SLIT1: variants seen among roughly 807,000 people sequenced by gnomAD.
SLIT1 encodes slit homolog 1 protein.
Under a neutral mutation model 186.1 loss-of-function variants are expected in SLIT1, and 66 were observed. The ratio of observed to expected loss-of-function variants is 0.35; its 90% confidence interval spans 0.29 to 0.44. The LOEUF (loss-of-function observed/expected upper bound fraction) is 0.44. Ranked by LOEUF, SLIT1 falls within the 20% of genes least tolerant of loss-of-function variation. The pLI is 1.00. For synonymous variants in SLIT1, 761 were observed against 833.8 expected (o/e 0.91, Z 1.50); for missense variants, 1,638 against 2,037.4 (o/e 0.80, Z 3.77).
chr10:97,094,733 G>C (rs113931451), intron 4 of SLIT1, among the ~76,000 whole-genome samples: 5 of 152,108 alleles, frequency 3.3e-5, no homozygotes, highest in Non-Finnish European at 7.3e-5. Flanking sequence ...GTAAGAAGTC[G>C]GGGAATGCAT....
chr10:97,012,116 ACACACACACACACG>A (rs1564653155), intron 30 of SLIT1, among the ~76,000 whole-genome samples: 1 of 150,206 alleles, frequency 6.7e-6, no homozygotes, highest in East Asian at 2.0e-4. Flanking sequence ...ACACACACAC[ACACACACACACACG>A]CACACATTCG....
chr10:97,040,627 A>G (rs1848682560), intron 20 of SLIT1, among the ~76,000 whole-genome samples: 1 of 152,200 alleles, frequency 6.6e-6, no homozygotes, highest in African/African-American at 2.4e-5. Context: ...TGAATGAACA[A>G]GTGGATGAAT....
At chr10:97,143,032 G>A (rs138967867) in intron 4 of SLIT1, among the ~76,000 whole-genome samples, 3 of 152,326 alleles carry the variant, frequency 2.0e-5, no homozygotes, top group Admixed American at 6.5e-5. Flanking sequence ...CACTGATGGT[G>A]GGAATGTGAA....
At position 97,004,853 on chromosome 10, in the gene SLIT1, C is replaced by T. The variant is rs765661010; in HGVS notation, c.3580-30G>A. 5 of 1,613,772 alleles carry T rather than the reference C, an allele frequency of 3.1e-6. No homozygotes were observed. The highest frequency in any genetic ancestry group is 2.2e-5 in the South Asian group (2 of 91,038). On this transcript the variant is annotated intron_variant, in intron 32 of 36. Transcript: ENST00000266058. This position sits in a 1 kb window ranked among gnomAD's most constrained non-coding sequence, Gnocchi z 5.1. ...TGGGCAGTGGCACTTTCTCTCCCACCCCACCCCATGCAGCAGCGGCACAGG... is the reference window on the plus strand; with the variant it reads ...TGGGCAGTGGCACTTTCTCTCCCACTCCACCCCATGCAGCAGCGGCACAGG...
At chr10:97,063,430 G>A (rs928576899) in intron 8 of SLIT1, 25 bp downstream of exon 8, 4 of 1,611,236 alleles carry the variant, frequency 2.5e-6, no homozygotes, top group Non-Finnish European at 3.4e-6. Flanking sequence ...GGACAGTTGA[G>A]AGCCCGGCAG....
chr10:97,155,945 C>G (rs1219215084), intron 4 of SLIT1, among the ~76,000 whole-genome samples: 2 of 152,210 alleles, frequency 1.3e-5, no homozygotes, highest in Non-Finnish European at 2.9e-5. Flanking sequence ...ATGTGGCCAG[C>G]AACAGCATGG....
chr10:97,160,983 C>A (rs1168107605), intron 3 of SLIT1, among the ~76,000 whole-genome samples: 1 of 152,074 alleles, frequency 6.6e-6, no homozygotes, highest in Admixed American at 6.5e-5. Flanking sequence ...ACCTGGCCTC[C>A]CAAAGTGCTG....
chr10:97,178,530 T>C, intron 1 of SLIT1, among the ~76,000 whole-genome samples: 1 of 152,212 alleles, frequency 6.6e-6, no homozygotes, highest in Non-Finnish European at 1.5e-5. Context: ...TGTGCGATCC[T>C]GGCAGGATTG....
At chr10:97,030,878 G>T in intron 24 of SLIT1, 50 bp from the exon 25 acceptor site, 1 of 1,515,486 alleles carries the variant, frequency 6.6e-7, no homozygotes, top group South Asian at 1.1e-5. Context: ...AGAGATGGGA[G>T]ACCTGCTGGA....
intron 9 of SLIT1, among the ~76,000 whole-genome samples, 165 bp downstream of exon 9, chr10:97,060,475 C>T (rs1362815211): frequency 6.6e-6 from 1 of 152,238 alleles, no homozygotes; most frequent in Non-Finnish European, 1.5e-5. Context: ...TTTCCCAGCC[C>T]TGGACACAAA....
chr10:97,088,524 G>A (rs1475833194), intron 4 of SLIT1, among the ~76,000 whole-genome samples: 1 of 152,184 alleles, frequency 6.6e-6, no homozygotes, highest in African/African-American at 2.4e-5. Flanking sequence ...AAATGCTTTG[G>A]GCAGAGAGGG....
In SLIT1 at chr10:97,157,524, C is replaced by T. The variant is rs773878767; in HGVS notation, c.413+294G>A. The T allele has an allele frequency of 1.0e-5, 4 of 386,766 alleles. 1 individual carries two copies. The highest frequency in any genetic ancestry group is 1.7e-4 in the South Asian group (2 of 11,722). 24.0% of individuals were successfully genotyped at this position (386,766 alleles called of 1,614,324 possible). The stretch of plus-strand genomic sequence containing the variant: ...GAGCCCCTGTAAAGGCTGGCATCAC[C>T]GTCCACAAGCATGCCTGCCTGCAGA... On this transcript the variant is annotated intron_variant, in intron 4 of 36. Transcript: ENST00000266058.
At chr10:97,137,032 C>T (rs1458018651) in intron 4 of SLIT1, among the ~76,000 whole-genome samples, 1 of 152,198 alleles carries the variant, frequency 6.6e-6, no homozygotes, top group East Asian at 1.9e-4. Context: ...CTGGACTTCA[C>T]ACCAAGCAGG....
chr10:97,122,647 A>G (rs1490056431), intron 4 of SLIT1, among the ~76,000 whole-genome samples: 1 of 152,198 alleles, frequency 6.6e-6, no homozygotes, highest in Non-Finnish European at 1.5e-5. Context: ...GTACAAGCCC[A>G]GAGTGGAGTG....
At chr10:97,077,264 C>T (rs1289720796) in intron 4 of SLIT1, among the ~76,000 whole-genome samples, 1 of 151,864 alleles carries the variant, frequency 6.6e-6, no homozygotes, top group Non-Finnish European at 1.5e-5. Context: ...GAGACTCCAT[C>T]TCTTAAAAAA....
At chr10:97,144,370 T>C (rs1025426958) in intron 4 of SLIT1, among the ~76,000 whole-genome samples, 11 of 152,230 alleles carry the variant, frequency 7.2e-5, no homozygotes, top group Non-Finnish European at 1.2e-4. Context: ...GTTAATCTAA[T>C]GAAGAACTCT....
chr10:97,079,779 C>T (rs1554849254), intron 4 of SLIT1, among the ~76,000 whole-genome samples: 8 of 152,160 alleles, frequency 5.3e-5, no homozygotes, highest in Non-Finnish European at 1.5e-5. Context: ...GGTGAAGATG[C>T]TGCATCTTCC....
chr10:97,143,816 A>G (rs1246736139), intron 4 of SLIT1, among the ~76,000 whole-genome samples: 1 of 152,248 alleles, frequency 6.6e-6, no homozygotes, highest in Non-Finnish European at 1.5e-5. Context: ...TCTAATGCCA[A>G]GATAACCTGA....
intron 1 of SLIT1, among the ~76,000 whole-genome samples, chr10:97,173,064 C>T (rs1480632350): frequency 6.6e-6 from 1 of 152,206 alleles, no homozygotes; most frequent in Non-Finnish European, 1.5e-5. Flanking sequence ...CAACGACCTC[C>T]TCTCTTCCAG....
Sources: gnomAD v4.1 joint callset for allele counts (sites outside exome capture counted in the v4.1 genomes callset) on GRCh38, gnomAD v4.1.1 for gene constraint, Gnocchi (gnomAD v3.1) non-coding constraint, MANE v1.5 for transcripts, NCBI Gene and HGNC (gene_info 2026-07-23, HGNC 2026-07-21) for gene names.